DEPDC1B: variants seen among roughly 807,000 people sequenced by gnomAD.
DEPDC1B encodes DEP domain-containing protein 1B.
DEPDC1B carries 51 observed loss-of-function variants against 66.5 expected under a neutral mutation model. That is an observed-to-expected ratio of 0.77 (90% CI 0.61 to 0.97). The LOEUF is 0.97. DEPDC1B is among the 50% of genes least tolerant of loss of function. The pLI is 0.00. For synonymous variants in DEPDC1B, 226 were observed against 223.6 expected, an observed-to-expected ratio of 1.01 and a Z score of -0.10; for missense variants, 552 against 637.1, an observed-to-expected ratio of 0.87 and a Z score of 1.44.
intron 1 of DEPDC1B, among the ~76,000 whole-genome samples, chr5:60,693,855 T>C (rs942835541): frequency 3.9e-5 from 6 of 152,124 alleles, no homozygotes; most frequent in Non-Finnish European, 8.8e-5. Flanking sequence ...ATCAAGTATG[T>C]AGGGCCGGGG....
rs1348160688 is a variant in DEPDC1B, at chr5:60,597,333, C to T, written c.*420G>A. 5.8e-5 allele frequency: 9 copies of T among 156,034 alleles called. No homozygotes were observed. In the Admixed American group the frequency reaches 5.9e-4, roughly 10 times the overall value. The allele number at this position is 156,034 out of a possible 1,614,324, so 9.7% of individuals were successfully genotyped here. On this transcript the variant is annotated 3_prime_UTR_variant, in exon 11 of 11. Transcript: ENST00000265036. Reference sequence around the variant, plus strand: ...GTCAATAGCATCACAGTAACAGTACCCAGTGTCTTTCTTATTCAAGTATAC... The same window carrying T: ...GTCAATAGCATCACAGTAACAGTACTCAGTGTCTTTCTTATTCAAGTATAC...
intron 2 of DEPDC1B, among the ~76,000 whole-genome samples, chr5:60,658,101 T>C (rs1471262687): frequency 6.6e-6 from 1 of 152,198 alleles, no homozygotes; most frequent in Non-Finnish European, 1.5e-5. Flanking sequence ...CTTTCCAGTG[T>C]ATTTTGCATT....
At chr5:60,606,160 A>G (rs1158596478) in intron 7 of DEPDC1B, among the ~76,000 whole-genome samples, 1 of 152,164 alleles carries the variant, frequency 6.6e-6, no homozygotes, top group African/African-American at 2.4e-5. Context: ...CCAGGCTAAC[A>G]CTATCATAAC....
chr5:60,699,106 G>A (rs1292968957), intron 1 of DEPDC1B, among the ~76,000 whole-genome samples: 2 of 152,074 alleles, frequency 1.3e-5, no homozygotes, highest in Non-Finnish European at 2.9e-5. Context: ...TATAGTGTGT[G>A]GCTGGCTTTG....
intron 1 of DEPDC1B, among the ~76,000 whole-genome samples, chr5:60,698,726 C>G (rs1023189775): frequency 2.0e-5 from 3 of 149,140 alleles, no homozygotes. Context: ...AGTGCAATGG[C>G]GCGATCTCAG....
At chr5:60,615,395 A>T (rs1473944266) in intron 7 of DEPDC1B, among the ~76,000 whole-genome samples, 1 of 152,178 alleles carries the variant, frequency 6.6e-6, no homozygotes, top group Non-Finnish European at 1.5e-5. Flanking sequence ...TCCCTTTCCT[A>T]GTCAAAGAAA....
intron 2 of DEPDC1B, among the ~76,000 whole-genome samples, chr5:60,684,148 T>C (rs1584101189): frequency 6.6e-6 from 1 of 152,206 alleles, no homozygotes; most frequent in East Asian, 1.9e-4. Context: ...CTCAGAAGAA[T>C]TTAATACTGT....
intron 7 of DEPDC1B, among the ~76,000 whole-genome samples, chr5:60,613,791 TGTGTG>T (rs1752474041): frequency 1.3e-5 from 1 of 78,416 alleles, no homozygotes; most frequent in Non-Finnish European, 2.6e-5. Flanking sequence ...TATGTATTTG[TGTGTG>T]TGTGTGTGTG....
At chr5:60,603,019 T>C (rs1214397946) in intron 9 of DEPDC1B, among the ~76,000 whole-genome samples, 3 of 152,214 alleles carry the variant, frequency 2.0e-5, no homozygotes, top group Non-Finnish European at 1.5e-5. Flanking sequence ...AAGTTCTTTG[T>C]GCCTTAGCTT....
At chr5:60,650,191 T>C (rs1190221653) in intron 2 of DEPDC1B, among the ~76,000 whole-genome samples, 2 of 151,428 alleles carry the variant, frequency 1.3e-5, no homozygotes, top group African/African-American at 4.9e-5. Context: ...ATCTCTAAAG[T>C]AAAAAAATAA....
chr5:60,609,316 G>T (rs1448007511), intron 7 of DEPDC1B, among the ~76,000 whole-genome samples: 1 of 152,044 alleles, frequency 6.6e-6, no homozygotes, highest in Non-Finnish European at 1.5e-5. Flanking sequence ...ACTGATCCCA[G>T]CTGGGACTCC....
chr5:60,616,414 T>A (rs1752556195), intron 7 of DEPDC1B, among the ~76,000 whole-genome samples: 1 of 151,708 alleles, frequency 6.6e-6, no homozygotes, highest in Non-Finnish European at 1.5e-5. Flanking sequence ...GACGAACGGC[T>A]AACTAGAATA....
intron 7 of DEPDC1B, among the ~76,000 whole-genome samples, chr5:60,614,394 G>A (rs1584029008): frequency 6.6e-6 from 1 of 152,222 alleles, no homozygotes; most frequent in East Asian, 1.9e-4. Flanking sequence ...AAGAGACAGG[G>A]TCTTGCTTTA....
At chr5:60,670,462 T>C (rs969436792) in intron 2 of DEPDC1B, among the ~76,000 whole-genome samples, 2 of 152,196 alleles carry the variant, frequency 1.3e-5, no homozygotes, top group African/African-American at 4.8e-5. Flanking sequence ...CACCTAAATA[T>C]ATGATTTCAC....
At chr5:60,605,557 T>A in intron 8 of DEPDC1B, 133 bp downstream of exon 8, 1 of 919,520 alleles carries the variant, frequency 1.1e-6, no homozygotes, top group Non-Finnish European at 1.6e-6. Flanking sequence ...ACGACACAAG[T>A]CTGGGTGGAC....
At chr5:60,635,463 C>A (rs1753022853) in intron 7 of DEPDC1B, among the ~76,000 whole-genome samples, 1 of 152,170 alleles carries the variant, frequency 6.6e-6, no homozygotes, top group African/African-American at 2.4e-5. Context: ...ATGTCTATGG[C>A]ATTTTCTATA....
At chr5:60,647,274 A>G (rs1241083658) in intron 3 of DEPDC1B, 124 bp downstream of exon 3, 10 of 1,221,180 alleles carry the variant, frequency 8.2e-6, no homozygotes, top group South Asian at 2.0e-5. Flanking sequence ...GTTGGCAGGT[A>G]CAATTTTGTT....
chr5:60,620,714 T>A (rs1354472848), intron 7 of DEPDC1B, among the ~76,000 whole-genome samples: 1 of 152,200 alleles, frequency 6.6e-6, no homozygotes, highest in South Asian at 2.1e-4. Flanking sequence ...GGTTCAACCA[T>A]TGTGGAAGAC....
chr5:60,622,548 C>T (rs570165574), intron 7 of DEPDC1B, among the ~76,000 whole-genome samples: 15 of 152,250 alleles, frequency 9.9e-5, no homozygotes, highest in African/African-American at 3.6e-4. Context: ...GTTCTTATCC[C>T]TTAGATAAAT....
Sources: allele counts gnomAD v4.1 joint callset (sites outside exome capture counted in the v4.1 genomes callset), GRCh38; gene constraint gnomAD v4.1.1; transcripts MANE v1.5; gene names NCBI Gene and HGNC (gene_info 2026-07-23, HGNC 2026-07-21).